The following CLCA4 variants were observed in gnomAD, a reference collection of about 807,000 sequenced individuals.
CLCA4 encodes chloride channel accessory 4, also known as calcium-activated chloride channel regulator 4.
Under a neutral mutation model 78.9 loss-of-function variants are expected in CLCA4, and 69 were observed. The ratio of observed to expected loss-of-function variants is 0.87; its 90% CI spans 0.72 to 1.07. CLCA4 has a LOEUF of 1.07. Among genes scored for constraint, CLCA4 ranks in the 50% least tolerant of loss-of-function variants. The pLI is 0.00. For synonymous variants in CLCA4, 362 were observed against 375.8 expected (o/e 0.96, Z 0.42); for missense variants, 1,133 against 1,095.8 (o/e 1.03, Z -0.48).
chr1:86,575,797 T>C (rs1260129844), intron 11 of CLCA4, among the ~76,000 whole-genome samples, 198 bp downstream of exon 11: 1 of 152,032 alleles, frequency 6.6e-6, no homozygotes, highest in Non-Finnish European at 1.5e-5. Flanking sequence ...AAGCACTCAA[T>C]CAATGTTTTT....
chr1:86,563,702 G>A lies in CLCA4; in HGVS notation c.490G>A (p.Val164Met). 6.2e-7 allele frequency: 1 copy of A among 1,607,282 alleles called. No individual in the cohort carries two copies. Among genetic ancestry groups the A allele is most frequent in the Non-Finnish European group, 8.5e-7 (1 of 1,176,442 alleles). ...VHEWAHLRWG[V>M]FDEYNEDQPF... ...TGAGTGGGCTCACCTCCGGTGGGGAGTGTTTGATGAGTACAATGAAGATCA... is the reference window on the plus strand; with the variant it reads ...TGAGTGGGCTCACCTCCGGTGGGGAATGTTTGATGAGTACAATGAAGATCA... Residue 164 changes from valine (V) to methionine (M), a missense_variant, in exon 4 of 14, where the codon GTG becomes ATG. By Grantham distance (21) the Val-to-Met change is conservative. Transcript: ENST00000370563.
chr1:86,571,016 C>T (rs2101811997), intron 7 of CLCA4, 61 bp from the exon 8 acceptor site: 4 of 1,247,150 alleles, frequency 3.2e-6, no homozygotes, highest in East Asian at 4.8e-5. Context: ...TTCTCATTTC[C>T]CATTTGTCTA....
rs1649626215 is a variant in CLCA4, at chr1:86,550,648, G to C, written c.159+3370G>C. ...ATCATAGTAAGTATCACAGTCAGAG[G>C]TAAGAATCGCTTCAACCAAGGAGGC... On this transcript the variant is annotated intron_variant, in intron 1 of 13. Transcript: ENST00000370563. 2.6e-5 allele frequency among the ~76,000 whole-genome samples: 4 copies of C among 151,766 alleles called. No individual in the cohort carries two copies. The South Asian group carries it at 8.3e-4, about 32-fold the overall frequency.
chr1:86,569,220 C>A (rs1054760873), intron 7 of CLCA4, among the ~76,000 whole-genome samples: 1 of 151,836 alleles, frequency 6.6e-6, no homozygotes, highest in Admixed American at 6.6e-5. Flanking sequence ...GCCAATGAGC[C>A]TTCTCTAAAA....
intron 9 of CLCA4, among the ~76,000 whole-genome samples, chr1:86,573,895 A>G (rs752149681): frequency 2.5e-4 from 38 of 152,110 alleles, no homozygotes; most frequent in Non-Finnish European, 2.9e-5. Flanking sequence ...ACAACAATGT[A>G]TTGTATATTT....
chr1:86,577,130 C>A (rs145143761), intron 11 of CLCA4, among the ~76,000 whole-genome samples: 1 of 152,176 alleles, frequency 6.6e-6, no homozygotes, highest in African/African-American at 2.4e-5. Flanking sequence ...TCCCTTGCCT[C>A]TTTTTTCCCT....
rs959504319 is a variant in CLCA4, at chr1:86,547,241, G to C, written c.122G>C (p.Ser41Thr). ...FEDIVIVIDP[S>T]VPEDEKIIEQ... ...GATATTGTCATTGTTATAGATCCTA[G>C]TGTGCCAGAAGATGAAAAAATAATT... The change falls in exon 1 of 14, where the codon AGT (serine) becomes ACT (threonine). Residue 41 changes from serine (S) to threonine (T), a missense_variant. Ser to Thr is a moderately conservative substitution (Grantham distance 58). Transcript: ENST00000370563. 4 of 1,603,440 alleles carry C rather than the reference G, an allele frequency of 2.5e-6. No individual in the cohort carries two copies. In the African/African-American group the frequency reaches 5.4e-5, roughly 22 times the overall value.
chr1:86,570,696 G>T (rs545331487), intron 7 of CLCA4, among the ~76,000 whole-genome samples: 4 of 152,000 alleles, frequency 2.6e-5, no homozygotes, highest in African/African-American at 4.8e-5. Flanking sequence ...TAAACTGAAG[G>T]CTTGTCTGTC....
chr1:86,553,908 C>A (rs1292088640), intron 1 of CLCA4, among the ~76,000 whole-genome samples: 1 of 152,070 alleles, frequency 6.6e-6, no homozygotes, highest in African/African-American at 2.4e-5. Flanking sequence ...TGAACTCCAG[C>A]CTGGGAGACA....
At chr1:86,577,130 C>CT (rs949614690) in intron 11 of CLCA4, among the ~76,000 whole-genome samples, 17 of 152,058 alleles carry the variant, frequency 1.1e-4, no homozygotes, top group African/African-American at 4.1e-4. Flanking sequence ...TCCCTTGCCT[C>CT]TTTTTTCCCT....
At chr1:86,549,719 A>G (rs558695452) in intron 1 of CLCA4, among the ~76,000 whole-genome samples, 3 of 152,356 alleles carry the variant, frequency 2.0e-5, no homozygotes, top group African/African-American at 7.2e-5. Flanking sequence ...GAAGAATTCA[A>G]GAGTTTTGCT....
At position 86,565,452 on chromosome 1, in the gene CLCA4, G is replaced by A. The variant is rs1650153388; in HGVS notation, c.735+1G>A. 3 of 1,568,148 alleles carry A rather than the reference G, an allele frequency of 1.9e-6. No homozygotes were observed. The highest frequency in any genetic ancestry group is 2.6e-6 in the Non-Finnish European group (3 of 1,155,278). ...AATGTTTATGCAAAGTATTGATTCT[G>A]TAAGTATGCTGATAATTGCTTCCAG... is the stretch of plus-strand genomic sequence containing the variant. On this transcript the variant is annotated splice_donor_variant, in intron 5 of 13. Coordinates refer to ENST00000370563, the MANE Select transcript of CLCA4 (RefSeq NM_012128.4). LOFTEE classifies it high-confidence loss of function.
rs751662980 is a variant in CLCA4 at position 86,572,721 on chromosome 1, G to A, written c.1467+1G>A. ...TGATCTCTCCCAGAAGTCCCTTCAG[G>A]TCAGAGTTCTCATTCCTTGGGTTTT... On this transcript the variant is annotated splice_donor_variant, in intron 9 of 13. Transcript: ENST00000370563. LOFTEE classifies it high-confidence loss of function. The A allele has an allele frequency of 3.3e-6, 5 of 1,533,986 alleles. No homozygotes were observed. The highest frequency in any genetic ancestry group is 4.5e-6 in the Non-Finnish European group (5 of 1,107,350).
chr1:86,557,491 A>G (rs769053777), intron 1 of CLCA4, among the ~76,000 whole-genome samples: 18 of 152,154 alleles, frequency 1.2e-4, no homozygotes, highest in Non-Finnish European at 2.4e-4. Context: ...ATTCGGGAGC[A>G]TGTTGTTTAA....
At chr1:86,550,907 C>T (rs1404891143) in intron 1 of CLCA4, among the ~76,000 whole-genome samples, 2 of 149,778 alleles carry the variant, frequency 1.3e-5, no homozygotes, top group African/African-American at 4.9e-5. Context: ...TCTTGGCTCA[C>T]TGCAAGCTCC....
At chr1:86,552,172 C>A (rs1461510781) in intron 1 of CLCA4, among the ~76,000 whole-genome samples, 1 of 151,818 alleles carries the variant, frequency 6.6e-6, no homozygotes, top group East Asian at 1.9e-4. Flanking sequence ...AAGAAAATAG[C>A]TGAAAAAATC....
intron 1 of CLCA4, among the ~76,000 whole-genome samples, chr1:86,558,734 T>C (rs1214058533): frequency 6.6e-6 from 1 of 151,850 alleles, no homozygotes; most frequent in Non-Finnish European, 1.5e-5. Flanking sequence ...AGAACTTACA[T>C]CATGAGAACA....
At chr1:86,551,795 T>G (rs1344958886) in intron 1 of CLCA4, among the ~76,000 whole-genome samples, 5 of 152,142 alleles carry the variant, frequency 3.3e-5, no homozygotes, top group African/African-American at 9.7e-5. Flanking sequence ...ATATTTGACC[T>G]TTGCCTTCAA....
chr1:86,548,929 G>C (rs1649576781), intron 1 of CLCA4, among the ~76,000 whole-genome samples: 1 of 152,096 alleles, frequency 6.6e-6, no homozygotes, highest in South Asian at 2.1e-4. Flanking sequence ...TGAGTTTCTT[G>C]ATCTGTAAGT....
Sources: allele counts gnomAD v4.1 joint callset (sites outside exome capture counted in the v4.1 genomes callset), GRCh38; gene constraint gnomAD v4.1.1; transcripts MANE v1.5; gene names NCBI Gene and HGNC (gene_info 2026-07-23, HGNC 2026-07-21).